OR6N1: variants seen among roughly 807,000 people sequenced by gnomAD.
OR6N1 encodes the protein olfactory receptor 6N1.
For synonymous variants in OR6N1, 170 were observed against 150.7 expected, an observed-to-expected ratio of 1.13 and a Z score of -0.94; for missense variants, 394 against 371.7, an observed-to-expected ratio of 1.06 and a Z score of -0.49.
the OR6N1 span, among the ~76,000 whole-genome samples, chr1:158,827,924 A>G: frequency 6.6e-6 from 1 of 152,228 alleles, no homozygotes; most frequent in Non-Finnish European, 1.5e-5. Context: ...CAATCACAGC[A>G]GAAGGTAAGG....
the OR6N1 span, among the ~76,000 whole-genome samples, chr1:158,820,234 C>T: frequency 3.3e-5 from 5 of 152,206 alleles, no homozygotes; most frequent in African/African-American, 1.2e-4. Context: ...TTCCGGTAAA[C>T]CAACAACCTT....
At chr1:158,776,962 ACAGCCC>A (rs1657614795), upstream of OR6N1, 3 of 1,614,190 alleles carry the variant, frequency 1.9e-6, no homozygotes, top group East Asian at 6.7e-5. Flanking sequence ...TATCTTCAGC[ACAGCCC>A]CAATGATCCT....
At chr1:158,788,128 T>C in the OR6N1 span, among the ~76,000 whole-genome samples, 1 of 152,192 alleles carries the variant, frequency 6.6e-6, no homozygotes, top group Admixed American at 6.5e-5. Flanking sequence ...AATCAAAATT[T>C]GTTTAGAAAT....
the OR6N1 span, among the ~76,000 whole-genome samples, chr1:158,833,957 A>T: frequency 1.3e-5 from 2 of 152,154 alleles, no homozygotes; most frequent in African/African-American, 4.8e-5. Context: ...ACCATTTTAC[A>T]TTCCTACCAA....
At chr1:158,807,893 C>G in the OR6N1 span, among the ~76,000 whole-genome samples, 1 of 152,184 alleles carries the variant, frequency 6.6e-6, no homozygotes. Flanking sequence ...AATCAGAGAC[C>G]ATAACCCCTT....
chr1:158,780,443 A>AC, the OR6N1 span, among the ~76,000 whole-genome samples: 2 of 152,216 alleles, frequency 1.3e-5, no homozygotes, highest in Non-Finnish European at 2.9e-5. Context: ...TTTCAAATGC[A>AC]GCTTCTCCTG....
At chr1:158,802,043 A>C in the OR6N1 span, among the ~76,000 whole-genome samples, 1 of 151,884 alleles carries the variant, frequency 6.6e-6, no homozygotes, top group African/African-American at 2.4e-5. Flanking sequence ...AGTTTTTTGT[A>C]AGTGCTCCTC....
the OR6N1 span, among the ~76,000 whole-genome samples, chr1:158,830,301 G>C: frequency 6.6e-6 from 1 of 152,114 alleles, no homozygotes; most frequent in Non-Finnish European, 1.5e-5. Context: ...TGTCATTCTA[G>C]ATCCTCTTGG....
At chr1:158,807,764 T>C in the OR6N1 span, among the ~76,000 whole-genome samples, 1 of 152,176 alleles carries the variant, frequency 6.6e-6, no homozygotes, top group Non-Finnish European at 1.5e-5. Context: ...TAGCTTTAAT[T>C]TATCTTCTTT....
the OR6N1 span, among the ~76,000 whole-genome samples, chr1:158,789,637 T>C: frequency 6.6e-6 from 1 of 152,360 alleles, no homozygotes; most frequent in African/African-American, 2.4e-5. Flanking sequence ...ATATATTCTT[T>C]TGAGAAATAT....
chr1:158,836,675 CT>C, the OR6N1 span, among the ~76,000 whole-genome samples: 89 of 151,502 alleles, frequency 5.9e-4, no homozygotes, highest in African/African-American at 1.9e-3. Context: ...AAAACCAACT[CT>C]TTTTTTTATT....
At chr1:158,771,288 C>T (rs1657418669) in intron 1 of OR6N1, among the ~76,000 whole-genome samples, 1 of 152,108 alleles carries the variant, frequency 6.6e-6, no homozygotes, top group South Asian at 2.1e-4. Flanking sequence ...CTTATCACTC[C>T]AAGGCAACTC....
the OR6N1 span, among the ~76,000 whole-genome samples, chr1:158,812,900 G>A: frequency 6.6e-6 from 1 of 151,948 alleles, no homozygotes; most frequent in East Asian, 1.9e-4. Context: ...CTCATACTAG[G>A]GAAAATATGA....
the OR6N1 span, among the ~76,000 whole-genome samples, chr1:158,828,363 A>AT: frequency 6.6e-6 from 1 of 152,216 alleles, no homozygotes; most frequent in African/African-American, 2.4e-5. Flanking sequence ...TACAATGGGG[A>AT]TACAGGCACT....
upstream of OR6N1, chr1:158,777,079 C>T: frequency 6.2e-7 from 1 of 1,614,096 alleles, no homozygotes; most frequent in East Asian, 2.2e-5. Context: ...GCAGGCCAAG[C>T]TCAGCAAAGG....
the OR6N1 span, among the ~76,000 whole-genome samples, chr1:158,802,889 A>G: frequency 5.3e-5 from 8 of 151,942 alleles, no homozygotes; most frequent in African/African-American, 1.9e-4. Flanking sequence ...CAATATGTTC[A>G]TCAACATCCT....
the OR6N1 span, among the ~76,000 whole-genome samples, chr1:158,812,333 G>A: frequency 6.6e-6 from 1 of 152,218 alleles, no homozygotes; most frequent in Non-Finnish European, 1.5e-5. Context: ...GGAATGAGAG[G>A]TTTGTAAATT....
chr1:158,833,967 A>G, the OR6N1 span, among the ~76,000 whole-genome samples: 4 of 152,232 alleles, frequency 2.6e-5, no homozygotes, highest in East Asian at 5.8e-4. Flanking sequence ...ATTCCTACCA[A>G]TGATGTACAA....
the OR6N1 span, chr1:158,777,230 T>C: frequency 6.8e-6 from 11 of 1,613,894 alleles, no homozygotes; most frequent in Admixed American, 5.0e-5. Context: ...GTGGTGGTCA[T>C]AATTATAGGG....
Sources: gnomAD v4.1 joint callset for allele counts (sites outside exome capture counted in the v4.1 genomes callset) on GRCh38, gnomAD v4.1.1 for gene constraint, MANE v1.5 for transcripts, NCBI Gene and HGNC (gene_info 2026-07-23, HGNC 2026-07-21) for gene names.